The following IFT172 variants were observed in gnomAD, a reference collection of about 807,000 sequenced individuals.
The protein encoded by IFT172 is intraflagellar transport 172.
In IFT172, 164 loss-of-function variants were observed where a neutral mutation model predicts 248.9. The observed-to-expected ratio is 0.66, with a 90% CI of 0.58 to 0.75. The LOEUF (loss-of-function observed/expected upper bound fraction) is 0.75. Ranked by LOEUF, IFT172 falls within the 30% of genes least tolerant of loss-of-function variation. IFT172 has a pLI of 0.00. For synonymous variants in IFT172, 729 were observed against 791.6 expected, an observed-to-expected ratio of 0.92 and a Z score of 1.33; for missense variants, 1,950 against 2,192.4, an observed-to-expected ratio of 0.89 and a Z score of 2.21.
At chr2:27,451,070 A>G (rs147653200) in intron 35 of IFT172, among the ~76,000 whole-genome samples, 36 of 150,090 alleles carry the variant, frequency 2.4e-4, no homozygotes, top group African/African-American at 8.9e-4. Context: ...GATGGTCTTG[A>G]TGATAACCTT....
At chr2:27,465,625 A>C in intron 17 of IFT172, 107 bp from the exon 18 acceptor site, 2 of 1,538,836 alleles carry the variant, frequency 1.3e-6, no homozygotes, top group South Asian at 1.1e-5. Flanking sequence ...TCTTTGTCTC[A>C]TCTCCTCCCA....
chr2:27,456,471 G>A (rs1666171085), intron 30 of IFT172, 40 bp downstream of exon 30: 1 of 1,586,390 alleles, frequency 6.3e-7, no homozygotes, highest in East Asian at 2.2e-5. Context: ...AGTGGCTCTG[G>A]CTGGGATGGG....
In IFT172 at chr2:27,466,697, CA is replaced by C. The variant is rs34122325; in HGVS notation, c.1693-816del. 8.9e-3 allele frequency among the ~76,000 whole-genome samples: 1,352 copies of C among 152,102 alleles called. 10 individuals are homozygous for C. The highest frequency in any genetic ancestry group is 0.017 in the Admixed American group (264 of 15,270). On this transcript the variant is annotated intron_variant, in intron 16 of 47. Transcript: ENST00000260570. ...ACTACAAACAACAGTTTTAGATCTT[CA>C]AGAATTTCAGATATTAAAAATAACA...
chr2:27,483,633 A>G lies in IFT172; in HGVS notation c.429T>C (p.Asn143=), dbSNP rs767828329. ...CTGTCCCATAGATGGTAGATGATTT[A>G]TTAGTTTTGGTGTTTGCTAAACGAA... The part of the protein sequence containing the change: ...GKVRLANTKT[N]KSSTIYGTES... Residue 143 remains asparagine, a synonymous_variant, in exon 6 of 48, where the codon AAT becomes AAC. Transcript: ENST00000260570. 1.9e-6 allele frequency: 3 copies of G among 1,614,068 alleles called. No individual in the cohort carries two copies. The highest frequency in any genetic ancestry group is 2.5e-6 in the Non-Finnish European group (3 of 1,180,040).
chr2:27,471,022 G>A lies in IFT172; in HGVS notation c.1598C>T (p.Pro533Leu). Residue 533 changes from proline to leucine, a missense_variant, in exon 16 of 48, where the codon CCA becomes CTA. Transcript: ENST00000260570. Reference sequence around the variant, plus strand: ...CTGAGCTACCAGCACGTCACTTCCTGGGACCCACTGCATATAGGAGCAGAA... The same window carrying A: ...CTGAGCTACCAGCACGTCACTTCCTAGGACCCACTGCATATAGGAGCAGAA... ...LNFCSYMQWV[P>L]GSDVLVAQNR... The A allele has an allele frequency of 6.2e-7, 1 of 1,614,018 alleles. No individual in the cohort carries two copies. Among genetic ancestry groups the A allele is most frequent in the African/African-American group, 1.3e-5 (1 of 75,036 alleles).
Position 27,450,065 on chromosome 2 carries a change from G to C in IFT172, c.3983C>G (p.Pro1328Arg). Residue 1328 changes from proline to arginine, a missense_variant, in exon 36 of 48, where the codon CCC becomes CGC. This residue lies in a region of IFT172 where 620 missense variants were observed against 699.0 expected (regional missense o/e 0.89). Transcript: ENST00000260570. ...AAELSIKFLP[P>R]QRNMEVVLAV... ...CAGAACGACTTCCATATTACGTTGG[G>C]GAGGCAGAAACTTGATGGAGAGTTC... 1 of 1,614,156 alleles carries C rather than the reference G, an allele frequency of 6.2e-7. No homozygotes were observed. Among genetic ancestry groups the C allele is most frequent in the Non-Finnish European group, 8.5e-7 (1 of 1,179,996 alleles).
rs761704635 is a variant in IFT172, at chr2:27,479,551, A to C, written c.963T>G (p.Ile321Met). The C allele has an allele frequency of 1.9e-6, 3 of 1,613,432 alleles. No homozygotes were observed. In the East Asian group the frequency reaches 6.7e-5, roughly 36 times the overall value. The part of the protein sequence containing the change: ...EQFDCCLRRS[I>M]YKNKFELTYV... Reference sequence around the variant, plus strand: ...ACGTCAACTCAAACTTGTTCTTGTAAATACTCCTTCGGAGGCAGCAGTCAA... The same window carrying C: ...ACGTCAACTCAAACTTGTTCTTGTACATACTCCTTCGGAGGCAGCAGTCAA... The change falls in exon 10 of 48, where the codon ATT (isoleucine) becomes ATG (methionine). Residue 321 changes from isoleucine to methionine, a missense_variant. Ile to Met is a conservative substitution (Grantham distance 10). Transcript: ENST00000260570.
intron 18 of IFT172, among the ~76,000 whole-genome samples, chr2:27,463,948 T>C (rs773819854): frequency 6.6e-6 from 1 of 152,110 alleles, no homozygotes; most frequent in Non-Finnish European, 1.5e-5. Flanking sequence ...AGTTTGGGTT[T>C]TATACTAAGT....
Position 27,448,993 on chromosome 2 carries a change from T to G in IFT172, c.4350A>C (p.Ala1450=), listed in dbSNP as rs1411725751. 6.2e-7 allele frequency: 1 copy of G among 1,611,096 alleles called. No homozygotes were observed. Among genetic ancestry groups the G allele is most frequent in the Non-Finnish European group, 8.5e-7 (1 of 1,177,422 alleles). Residue 1450 remains alanine, a synonymous_variant, in exon 40 of 48, where the codon GCA becomes GCC. Transcript: ENST00000260570. ...KILHKYVALY[A]THLIREGSSA... ...AGCTACCCTCCCGGATCAAGTGAGT[T>G]GCATACAAAGCCACATACTTGTGCA...
At chr2:27,448,395 G>A (rs773187420) in intron 40 of IFT172, among the ~76,000 whole-genome samples, 9 of 152,146 alleles carry the variant, frequency 5.9e-5, no homozygotes, top group African/African-American at 1.2e-4. Flanking sequence ...CACTGCGCCC[G>A]GCCAACAGTG....
rs570070408 is a variant in IFT172, at chr2:27,485,301, T to C, written c.183+59A>G. The C allele has an allele frequency of 1.2e-4, 198 of 1,607,894 alleles. No individual in the cohort carries two copies. In the African/African-American group the frequency reaches 2.3e-3, roughly 19 times the overall value. On this transcript the variant is annotated intron_variant, in intron 2 of 47. Transcript: ENST00000260570. ...GATGGCTAGAAGGCAGACTACGTCT[T>C]TCAAGTTGTGAGACCCCATCAATAG... is the stretch of plus-strand genomic sequence containing the variant.
In IFT172 at chr2:27,449,744, G is replaced by A. The variant is rs747023555; in HGVS notation, c.4107C>T (p.Ile1369=). ...TCGCCTTGTTCCACTCCTCACCCTC[G>A]ATGAAAGCATCGATTGCTTCCTTGA... ...DLVKEAIDAF[I]EGEEWNKAKR... The change falls in exon 37 of 48, where the codon ATC becomes ATT. Residue 1369 remains isoleucine, a synonymous_variant. Coordinates refer to ENST00000260570, the MANE Select transcript of IFT172 (RefSeq NM_015662.3). 1.1e-5 allele frequency: 17 copies of A among 1,613,906 alleles called. No homozygotes were observed. The highest frequency in any genetic ancestry group is 4.5e-5 in the East Asian group (2 of 44,890).
Position 27,461,439 on chromosome 2 carries a change from C to G in IFT172, c.2272G>C (p.Glu758Gln), listed in dbSNP as rs769666948. 1 of 1,614,130 alleles carries G rather than the reference C, an allele frequency of 6.2e-7. No homozygotes were observed. The highest frequency in any genetic ancestry group is 8.5e-7 in the Non-Finnish European group (1 of 1,180,010). The change falls in exon 22 of 48, where the codon GAA (glutamate) becomes CAA (glutamine). Residue 758 changes from glutamate (E) to glutamine (Q), a missense_variant. Glu to Gln is a conservative substitution (Grantham distance 29). This residue lies in a region of IFT172 where 1,166 missense variants were observed against 1,254.1 expected (regional missense o/e 0.93). Transcript: ENST00000260570. ...MDTQQEERAG[E>Q]LQESQGDGLA... is the part of the protein sequence containing the mutation. Reference sequence around the variant, plus strand: ...CCATCCCCTTGGCTCTCCTGTAGTTCACCTGCTCGCTCCTCTTGCTGTGTG... The same window carrying G: ...CCATCCCCTTGGCTCTCCTGTAGTTGACCTGCTCGCTCCTCTTGCTGTGTG...
Position 27,445,022 on chromosome 2 carries a change from C to A in IFT172, c.5152G>T (p.Ala1718Ser). The change falls in exon 47 of 48, where the codon GCC becomes TCC. Residue 1718 changes from alanine to serine, a missense_variant. This residue lies in a region of IFT172 where 620 missense variants were observed against 699.0 expected (regional missense o/e 0.89). Coordinates refer to ENST00000260570, the MANE Select transcript of IFT172 (RefSeq NM_015662.3). The surrounding 1 kb of genome is among the most constrained non-coding windows in gnomAD (Gnocchi z 4.4). ...AAGTCCTCCTCTCTAACCTTGATGG[C>A]CATAAGGAATTTATTCCAGTTGTCC... ...NKDNWNKFLMAIKTSHSPVCQ... is the reference protein window; with the variant it reads ...NKDNWNKFLMSIKTSHSPVCQ... 6.2e-7 allele frequency: 1 copy of A among 1,614,016 alleles called. No homozygotes were observed. The highest frequency in any genetic ancestry group is 8.5e-7 in the Non-Finnish European group (1 of 1,180,004).
At chr2:27,448,341 C>T (rs1665356908) in intron 40 of IFT172, among the ~76,000 whole-genome samples, 1 of 152,186 alleles carries the variant, frequency 6.6e-6, no homozygotes. Flanking sequence ...CCTCGTAATC[C>T]GCCTGCCTCG....
chr2:27,471,530 G>A (rs892896850), intron 15 of IFT172, among the ~76,000 whole-genome samples: 1 of 152,198 alleles, frequency 6.6e-6, no homozygotes. Flanking sequence ...GAGGGACGAA[G>A]AGGCTGTCCT....
chr2:27,484,974 C>G (rs1224762746), intron 3 of IFT172, 44 bp downstream of exon 3: 1 of 1,123,374 alleles, frequency 8.9e-7, no homozygotes, highest in Non-Finnish European at 1.4e-6. Context: ...TCTTGCCTTC[C>G]CCTTCTTTCC....
intron 5 of IFT172, 67 bp downstream of exon 5, chr2:27,483,805 C>A: frequency 1.4e-6 from 2 of 1,465,096 alleles, no homozygotes; most frequent in South Asian, 1.1e-5. Context: ...GAGGATGAAC[C>A]ATATTCCTCT....
intron 20 of IFT172, 28 bp from the exon 21 acceptor site, chr2:27,461,864 G>A: frequency 6.2e-7 from 1 of 1,613,246 alleles, no homozygotes; most frequent in Admixed American, 1.7e-5. Flanking sequence ...AGCAGAGAGG[G>A]ACACCAGAAA....
Sources: allele counts gnomAD v4.1 joint callset (sites outside exome capture counted in the v4.1 genomes callset), GRCh38; gene constraint gnomAD v4.1.1; regional missense constraint gnomAD v4.1.1; non-coding constraint Gnocchi (gnomAD v3.1); transcripts MANE v1.5; gene names NCBI Gene and HGNC (gene_info 2026-07-23, HGNC 2026-07-21).